Variants in PTK7 observed in about 807,000 individuals in gnomAD.
PTK7 encodes the protein inactive tyrosine-protein kinase 7.
In PTK7, 39 loss-of-function variants were observed where a neutral mutation model predicts 116.6. The observed-to-expected ratio is 0.33, with a 90% CI of 0.26 to 0.44. PTK7 has a LOEUF of 0.44. PTK7 is among the 20% of genes least tolerant of loss of function. The pLI is 1.00. For missense variants in PTK7, 1,169 were observed against 1,425.6 expected (o/e 0.82, Z 2.90); for synonymous variants, 546 against 563.6 (o/e 0.97, Z 0.44).
chr6:43,144,066 G>A (rs374469914), intron 14 of PTK7, among the ~76,000 whole-genome samples: 2 of 152,184 alleles, frequency 1.3e-5, no homozygotes, highest in South Asian at 4.1e-4. Context: ...AGGTGTTCAG[G>A]AGCAGAGGTT....
At position 43,154,087 on chromosome 6, in the gene PTK7, C is replaced by T. The variant is rs146799987; in HGVS notation, c.2722-4730C>T. On this transcript the variant is annotated intron_variant, in intron 17 of 19. Transcript: ENST00000230419. ...CTGATACAGGAGGATCACTGGAACC[C>T]GGGAGGCAGAGGTTGCAGTGAGCCG... Among the ~76,000 whole-genome samples the T allele has an allele frequency of 1.6e-3, 245 of 152,142 alleles. 1 individual carries two copies. The highest frequency in any genetic ancestry group is 5.0e-3 in the African/African-American group (209 of 41,508).
chr6:43,143,303 C>T lies in PTK7; in HGVS notation c.2048-114C>T. ...TGTTAAAGCCAGTGAAGGTGGTGAC[C>T]CTCCCGGGCCATCTGTTAAGTTGCC... is the stretch of plus-strand genomic sequence containing the variant. On this transcript the variant is annotated intron_variant, in intron 13 of 19. Coordinates refer to ENST00000230419, the MANE Select transcript of PTK7 (RefSeq NM_002821.5). This position sits in a 1 kb window ranked among gnomAD's most constrained non-coding sequence, Gnocchi z 4.2. 6 of 1,028,034 alleles carry T rather than the reference C, an allele frequency of 5.8e-6. No individual in the cohort carries two copies. Among genetic ancestry groups the T allele is most frequent in the Non-Finnish European group, 8.6e-6 (6 of 701,168 alleles). 63.7% of individuals were successfully genotyped at this position (1,028,034 alleles called of 1,614,324 possible). A position where few individuals can be genotyped will look rare whatever the true frequency, so the allele number is the denominator to read the frequency against.
At chr6:43,118,523 G>A (rs1448710167) in intron 1 of PTK7, among the ~76,000 whole-genome samples, 2 of 151,454 alleles carry the variant, frequency 1.3e-5, no homozygotes, top group African/African-American at 4.9e-5. Context: ...ATGACAGAGT[G>A]AGACTCTGTC....
chr6:43,129,880 T>A lies in PTK7; in HGVS notation c.470+51T>A, dbSNP rs781227076. 5.2e-6 allele frequency: 8 copies of A among 1,545,724 alleles called. No individual in the cohort carries two copies. The highest frequency in any genetic ancestry group is 6.2e-6 in the Non-Finnish European group (7 of 1,120,134). ...AAGAGGGTTATTCCGGACAGGGATGTCTCCCCAAATCTTGGACTCTATGCG... is the reference window on the plus strand; with the variant it reads ...AAGAGGGTTATTCCGGACAGGGATGACTCCCCAAATCTTGGACTCTATGCG... On this transcript the variant is annotated intron_variant, in intron 3 of 19. Transcript: ENST00000230419. This position sits in a 1 kb window ranked among gnomAD's most constrained non-coding sequence, Gnocchi z 4.5.
chr6:43,145,422 A>T lies in PTK7; in HGVS notation c.2630A>T (p.Tyr877Phe), dbSNP rs1770671968. Reference sequence around the variant, plus strand: ...GAGCCCCACTACATGGTGCTGGAATATGTGGATCTGGTATGCTGTTGGCAG... The same window carrying T: ...GAGCCCCACTACATGGTGCTGGAATTTGTGGATCTGGTATGCTGTTGGCAG... ...EAEPHYMVLE[Y>F]VDLGDLKQFL... Residue 877 changes from tyrosine (Y) to phenylalanine (F), a missense_variant, in exon 16 of 20, where the codon TAT (tyrosine) becomes TTT (phenylalanine). Transcript: ENST00000230419. This position sits in a 1 kb window ranked among gnomAD's most constrained non-coding sequence, Gnocchi z 4.8. 6.3e-7 allele frequency: 1 copy of T among 1,576,180 alleles called. No homozygotes were observed. Among genetic ancestry groups the T allele is most frequent in the South Asian group, 1.2e-5 (1 of 86,936 alleles).
At chr6:43,114,200 G>T (rs112995080) in intron 1 of PTK7, among the ~76,000 whole-genome samples, 5 of 152,324 alleles carry the variant, frequency 3.3e-5, no homozygotes, top group African/African-American at 7.2e-5. Flanking sequence ...ACGTGTGCGT[G>T]CTGTTTCTTG....
intron 1 of PTK7, among the ~76,000 whole-genome samples, chr6:43,112,330 G>A (rs1428506293): frequency 3.3e-5 from 5 of 150,736 alleles, no homozygotes; most frequent in African/African-American, 9.8e-5. Context: ...GTGCAGTGGC[G>A]TGATCTTGGC....
chr6:43,094,866 G>A (rs1767153189), intron 1 of PTK7, among the ~76,000 whole-genome samples: 1 of 151,780 alleles, frequency 6.6e-6, no homozygotes, highest in Non-Finnish European at 1.5e-5. Context: ...CCAACATGGT[G>A]AAACCCTGTC....
chr6:43,131,133 T>C lies in PTK7; in HGVS notation c.812+472T>C, dbSNP rs181991024. ...GTTCCAGCCCTACTGCAGGGACTTC[T>C]GTTCTTGCCTGGACCCTAGGAGAAC... On this transcript the variant is annotated intron_variant, in intron 5 of 19. Coordinates refer to ENST00000230419, the MANE Select transcript of PTK7 (RefSeq NM_002821.5). 1.6e-4 allele frequency among the ~76,000 whole-genome samples: 24 copies of C among 152,258 alleles called. 1 individual carries two copies. The East Asian group carries it at 4.6e-3, about 29-fold the overall frequency.
At chr6:43,146,956 G>C (rs972272630) in intron 17 of PTK7, among the ~76,000 whole-genome samples, 1 of 152,238 alleles carries the variant, frequency 6.6e-6, no homozygotes, top group African/African-American at 2.4e-5. Flanking sequence ...TTGCCATGCT[G>C]GCTTCACGGA....
intron 1 of PTK7, among the ~76,000 whole-genome samples, chr6:43,101,904 C>T (rs1012042909): frequency 1.2e-4 from 18 of 152,064 alleles, no homozygotes. Flanking sequence ...CAACATAAGA[C>T]GTCAGAGGTG....
In PTK7 at chr6:43,143,978, G is replaced by GT. The variant is rs1309049571; in HGVS notation, c.2251+361dup. Among the ~76,000 whole-genome samples, 4 of 152,192 alleles carry GT rather than the reference G, an allele frequency of 2.6e-5. No individual in the cohort carries two copies. The highest frequency in any genetic ancestry group is 4.4e-5 in the Non-Finnish European group (3 of 68,042). ...GAGCTCCCCCAGGGGCAGTCTTTCT[G>GT]TTTACTTCCCTTCTCCTATCCCCAC... On this transcript the variant is annotated intron_variant, in intron 14 of 19. Transcript: ENST00000230419. The surrounding 1 kb of genome is among the most constrained non-coding windows in gnomAD (Gnocchi z 4.2).
At chr6:43,157,337 TA>T (rs1464192954) in intron 17 of PTK7, among the ~76,000 whole-genome samples, 8 of 1,680 alleles carry the variant, frequency 4.8e-3, no homozygotes, top group East Asian at 0.032. Context: ...TATATATATA[TA>T]TATATATATA....
intron 1 of PTK7, among the ~76,000 whole-genome samples, chr6:43,127,331 G>A (rs1038106470): frequency 3.5e-4 from 53 of 152,310 alleles, no homozygotes; most frequent in African/African-American, 1.2e-3. Flanking sequence ...TCTGCAAGTC[G>A]CCCACGCGGG....
chr6:43,108,695 C>CCCAG (rs1169766343), intron 1 of PTK7, among the ~76,000 whole-genome samples: 1 of 152,238 alleles, frequency 6.6e-6, no homozygotes, highest in African/African-American at 2.4e-5. Context: ...AGCCACTGTG[C>CCCAG]CCAGACTTGT....
rs923684314 is a variant in PTK7, at chr6:43,108,484, C to T, written c.80-20493C>T. ...GCACGAGCACAGCTCACTGCAGCCTCCACCTCCTGGGTTCAAATGATCCTC... is the reference window on the plus strand; with the variant it reads ...GCACGAGCACAGCTCACTGCAGCCTTCACCTCCTGGGTTCAAATGATCCTC... On this transcript the variant is annotated intron_variant, in intron 1 of 19. Transcript: ENST00000230419. Among the ~76,000 whole-genome samples the T allele has an allele frequency of 4.0e-5, 6 of 151,576 alleles. No homozygotes were observed. The South Asian group carries it at 1.3e-3, about 32-fold the overall frequency.
chr6:43,123,634 G>A (rs575636416), intron 1 of PTK7, among the ~76,000 whole-genome samples: 6 of 152,198 alleles, frequency 3.9e-5, no homozygotes, highest in East Asian at 1.9e-4. Context: ...CACGGGAGAC[G>A]CAGGCAGAGT....
intron 17 of PTK7, among the ~76,000 whole-genome samples, chr6:43,151,369 G>A (rs1771070348): frequency 6.8e-6 from 1 of 147,678 alleles, no homozygotes; most frequent in South Asian, 2.1e-4. Flanking sequence ...CCACTACCAC[G>A]CCCGGCCAAT....
At chr6:43,142,350 T>G (rs1770469647) in intron 13 of PTK7, 51 bp downstream of exon 13, 1 of 1,612,508 alleles carries the variant, frequency 6.2e-7, no homozygotes, top group Non-Finnish European at 8.5e-7. Context: ...GCCCAGACGT[T>G]TGTCACCTTG....
Sources: allele counts gnomAD v4.1 joint callset (sites outside exome capture counted in the v4.1 genomes callset), GRCh38; gene constraint gnomAD v4.1.1; non-coding constraint Gnocchi (gnomAD v3.1); transcripts MANE v1.5; gene names NCBI Gene and HGNC (gene_info 2026-07-23, HGNC 2026-07-21).